GALNT8: variants seen among roughly 807,000 people sequenced by gnomAD.
GALNT8 encodes probable polypeptide N-acetylgalactosaminyltransferase 8.
Under a neutral mutation model 62.7 loss-of-function variants are expected in GALNT8, and 66 were observed. The ratio of observed to expected loss-of-function variants is 1.05; its 90% CI spans 0.86 to 1.29. The LOEUF is 1.29. Among genes scored for constraint, GALNT8 ranks in the 50% most tolerant of loss-of-function variants. The pLI is 0.00. For synonymous variants in GALNT8, 288 were observed against 294.3 expected (o/e 0.98, Z 0.22); for missense variants, 771 against 791.8 (o/e 0.97, Z 0.32).
intron 6 of GALNT8, among the ~76,000 whole-genome samples, chr12:4,752,582 C>T (rs1013426471): frequency 6.6e-6 from 1 of 150,816 alleles, no homozygotes; most frequent in Non-Finnish European, 1.5e-5. Flanking sequence ...TTTGTCCCCC[C>T]ACTTTTTAAC....
intron 6 of GALNT8, among the ~76,000 whole-genome samples, chr12:4,754,209 T>G (rs1424649571): frequency 1.3e-5 from 2 of 152,070 alleles, no homozygotes; most frequent in Non-Finnish European, 2.9e-5. Flanking sequence ...TATGTTCCCT[T>G]GAGACCCTGG....
Position 4,746,154 on chromosome 12 carries a change from A to G in GALNT8, c.1069A>G (p.Ile357Val), listed in dbSNP as rs749839024. 4.4e-6 allele frequency: 7 copies of G among 1,605,210 alleles called. No individual in the cohort carries two copies. The highest frequency in any genetic ancestry group is 1.3e-5 in the African/African-American group (1 of 74,728). ...DVTAPVKSPS[I>V]MGILAANRHF... Reference sequence around the variant, plus strand: ...CTGTGTGCTCTGTAGGAGTCCTTCAATCATGGGCATCCTGGCTGCTAACAG... The same window carrying G: ...CTGTGTGCTCTGTAGGAGTCCTTCAGTCATGGGCATCCTGGCTGCTAACAG... Residue 357 changes from isoleucine (I) to valine (V), a missense_variant, in exon 6 of 11, where the codon ATC becomes GTC. By Grantham distance (29) the Ile-to-Val change is conservative. Transcript: ENST00000252318.
intron 2 of GALNT8, among the ~76,000 whole-genome samples, chr12:4,738,091 C>T (rs1027895686): frequency 2.2e-4 from 33 of 152,178 alleles, no homozygotes; most frequent in African/African-American, 5.8e-4. Context: ...TCCCTCTATC[C>T]TTTTACATGG....
rs1206720264 is a variant in GALNT8 at position 4,763,636 on chromosome 12, G to A, written c.1497+246G>A. Among the ~76,000 whole-genome samples, 3 of 71,206 alleles carry A rather than the reference G, an allele frequency of 4.2e-5. No homozygotes were observed. In the Admixed American group the frequency reaches 4.7e-4, roughly 11 times the overall value. 46.7% of individuals were successfully genotyped at this position (71,206 alleles called of 152,430 possible). On this transcript the variant is annotated intron_variant, in intron 8 of 10. Transcript: ENST00000252318. The stretch of plus-strand genomic sequence containing the variant: ...TCTTGCCTGGACTCCCCCCCGCCCC[G>A]CCCCCGTTTCTCCAGCAGCTGCAGC...
chr12:4,722,913 A>G (rs1946177463), intron 1 of GALNT8, among the ~76,000 whole-genome samples: 2 of 152,112 alleles, frequency 1.3e-5, no homozygotes, highest in Admixed American at 6.5e-5. Context: ...GAGCTGGGAC[A>G]GGAAAGGAGC....
At chr12:4,721,033 G>T (rs1296218781) in intron 1 of GALNT8, 145 bp downstream of exon 1, 3 of 632,218 alleles carry the variant, frequency 4.7e-6, no homozygotes, top group Non-Finnish European at 8.6e-6. Context: ...ACTGAATTCT[G>T]TGCCTTCAAA....
chr12:4,748,203 G>C (rs891375744), intron 6 of GALNT8, among the ~76,000 whole-genome samples: 1 of 152,078 alleles, frequency 6.6e-6, no homozygotes, highest in East Asian at 1.9e-4. Flanking sequence ...ATCTTTTGCG[G>C]TGCAGAAGCT....
intron 1 of GALNT8, among the ~76,000 whole-genome samples, chr12:4,722,660 G>A (rs941682368): frequency 6.6e-6 from 1 of 152,166 alleles, no homozygotes; most frequent in East Asian, 1.9e-4. Context: ...AGGTAACAGG[G>A]ATCAAATGCT....
intron 2 of GALNT8, among the ~76,000 whole-genome samples, chr12:4,736,433 G>A (rs547586797): frequency 1.4e-4 from 21 of 152,076 alleles, no homozygotes; most frequent in African/African-American, 4.3e-4. Flanking sequence ...GGGTCAAAAC[G>A]TAAACTCCCT....
At position 4,772,492 on chromosome 12, in the gene GALNT8, G is replaced by A. The variant is rs1265913881; in HGVS notation, c.1809G>A (p.Lys603=). 1 of 1,613,876 alleles carries A rather than the reference G, an allele frequency of 6.2e-7. No homozygotes were observed. Among genetic ancestry groups the A allele is most frequent in the Non-Finnish European group, 8.5e-7 (1 of 1,179,886 alleles). Residue 603 remains lysine (K), a synonymous_variant, in exon 11 of 11, where the codon AAG becomes AAA. Coordinates refer to ENST00000252318, the MANE Select transcript of GALNT8 (RefSeq NM_017417.2). ...NRDTKRCLEM[K]KDLLGSHVLV... Reference sequence around the variant, plus strand: ...ATACCAAGCGGTGTCTGGAGATGAAGAAGGATCTTTTGGGTAGCCACGTGC... The same window carrying A: ...ATACCAAGCGGTGTCTGGAGATGAAAAAGGATCTTTTGGGTAGCCACGTGC...
rs142023771 is a variant in GALNT8 at position 4,762,428 on chromosome 12, A to C, written c.1360-825A>C. The stretch of plus-strand genomic sequence containing the variant: ...TAGTATTATTTTACATTGATTCCCC[A>C]CAAATATCACTTCTAAAAAAGTCTC... On this transcript the variant is annotated intron_variant, in intron 7 of 10. Transcript: ENST00000252318. Among the ~76,000 whole-genome samples, 578 of 152,310 alleles carry C rather than the reference A, an allele frequency of 3.8e-3. 7 individuals carry two copies. Among genetic ancestry groups the C allele is most frequent in the African/African-American group, 0.013 (524 of 41,566 alleles).
intron 2 of GALNT8, among the ~76,000 whole-genome samples, chr12:4,730,984 GACT>G (rs1298994799): frequency 1.3e-5 from 2 of 151,632 alleles, no homozygotes; most frequent in Non-Finnish European, 2.9e-5. Flanking sequence ...GAGTAGCTGG[GACT>G]ACAGGCGCCC....
intron 6 of GALNT8, among the ~76,000 whole-genome samples, chr12:4,758,662 G>GAT (rs1946357642): frequency 6.6e-6 from 1 of 151,440 alleles, no homozygotes; most frequent in South Asian, 2.1e-4. Context: ...GAGAGAGAGA[G>GAT]AGAGAGAGAG....
intron 6 of GALNT8, among the ~76,000 whole-genome samples, chr12:4,753,646 C>G (rs992899522): frequency 6.6e-6 from 1 of 152,148 alleles, no homozygotes; most frequent in Admixed American, 6.5e-5. Flanking sequence ...TGAAAGGTCC[C>G]TTGTCTCTGT....
At chr12:4,753,969 C>T (rs1946333138) in intron 6 of GALNT8, among the ~76,000 whole-genome samples, 1 of 152,298 alleles carries the variant, frequency 6.6e-6, no homozygotes, top group East Asian at 1.9e-4. Flanking sequence ...TGGATAAGAT[C>T]CGGGAGAATC....
chr12:4,742,888 G>A (rs180837787), intron 3 of GALNT8, among the ~76,000 whole-genome samples: 5 of 152,272 alleles, frequency 3.3e-5, no homozygotes, highest in Admixed American at 6.5e-5. Context: ...CAGAAAACCC[G>A]TCGAGGCGTC....
intron 6 of GALNT8, among the ~76,000 whole-genome samples, chr12:4,755,877 C>A (rs920186146): frequency 6.6e-6 from 1 of 152,236 alleles, no homozygotes; most frequent in African/African-American, 2.4e-5. Context: ...GCAGATCCAG[C>A]TGGCTTGGAT....
At chr12:4,762,761 G>A (rs1359508596) in intron 7 of GALNT8, among the ~76,000 whole-genome samples, 2 of 152,260 alleles carry the variant, frequency 1.3e-5, no homozygotes, top group Non-Finnish European at 2.9e-5. Context: ...ATACCCACTG[G>A]TGGAGTGAAG....
At chr12:4,761,588 A>C (rs1413724971) in intron 7 of GALNT8, among the ~76,000 whole-genome samples, 2 of 151,452 alleles carry the variant, frequency 1.3e-5, no homozygotes, top group African/African-American at 4.9e-5. Flanking sequence ...TGTTGGATGC[A>C]CAAGAATGAG....
Sources: allele counts gnomAD v4.1 joint callset (sites outside exome capture counted in the v4.1 genomes callset), GRCh38; gene constraint gnomAD v4.1.1; transcripts MANE v1.5; gene names NCBI Gene and HGNC (gene_info 2026-07-23, HGNC 2026-07-21).